NISCH: variants seen among roughly 807,000 people sequenced by gnomAD.
NISCH encodes the protein nischarin, also known as I-1 receptor candidate protein.
Under a neutral mutation model 138.4 loss-of-function variants are expected in NISCH, and 55 were observed. The observed-to-expected ratio is 0.40, with a 90% CI of 0.32 to 0.50. The LOEUF (loss-of-function observed/expected upper bound fraction) is 0.50, where lower values mean the gene tolerates loss of function less well. Among genes scored for constraint, NISCH ranks in the 20% least tolerant of loss-of-function variants. The probability of loss-of-function intolerance (pLI) is 0.71; values close to 1 mark genes in which losing one functional copy is unlikely to be tolerated. For synonymous variants in NISCH, 860 were observed against 861.5 expected, an observed-to-expected ratio of 1.00 and a Z score of 0.03; for missense variants, 1,643 against 2,005.5, an observed-to-expected ratio of 0.82 and a Z score of 3.45.
chr3:52,484,266 C>T, intron 13 of NISCH: 1 of 448,482 alleles, frequency 2.2e-6, no homozygotes, highest in Non-Finnish European at 4.0e-6. Flanking sequence ...CAGTTTTTTT[C>T]CATTGCATTT....
At chr3:52,478,780 G>T (rs1707179224) in intron 11 of NISCH, among the ~76,000 whole-genome samples, 1 of 152,168 alleles carries the variant, frequency 6.6e-6, no homozygotes, top group Non-Finnish European at 1.5e-5. Context: ...CCTACTGTCT[G>T]GGATAACATT....
At position 52,490,718 on chromosome 3, in the gene NISCH, G is replaced by C. The variant is rs777886468; in HGVS notation, c.3627G>C (p.Gln1209His). ...FSEPLQDFWH[Q>H]KNTDYNNSPF... ...TCCATCACACAGATTTCTGGCATCA[G>C]AAAAACACCGACTACAACAACAGCC... The change falls in exon 19 of 21, where the codon CAG becomes CAC. Residue 1209 changes from glutamine (Q) to histidine (H), a missense_variant. By Grantham distance (24) the Gln-to-His change is conservative (BLOSUM62 0). Coordinates refer to ENST00000345716, the MANE Select transcript of NISCH (RefSeq NM_007184.4). The C allele has an allele frequency of 5.0e-6, 8 of 1,614,176 alleles. 1 individual carries two copies. The South Asian group carries it at 8.8e-5, about 18-fold the overall frequency.
In NISCH at chr3:52,487,589, C is replaced by A. The variant is rs761883641; in HGVS notation, c.2097C>A (p.Asp699Glu). 6.2e-7 allele frequency: 1 copy of A among 1,613,766 alleles called. No homozygotes were observed. Among genetic ancestry groups the A allele is most frequent in the Admixed American group, 1.7e-5 (1 of 60,020 alleles). Reference protein sequence around the residue: ...ALEWALGADEDFLLEHIRILK... With the variant: ...ALEWALGADEEFLLEHIRILK... ...AATGGGCCCTGGGCGCGGACGAGGA[C>A]TTCCTGCTGGAGCACATCCGCATCC... Residue 699 changes from aspartate (D) to glutamate (E), a missense_variant, in exon 16 of 21, where the codon GAC (aspartate) becomes GAA (glutamate). Transcript: ENST00000345716. The surrounding 1 kb of genome is among the most constrained non-coding windows in gnomAD (Gnocchi z 9.1).
chr3:52,486,315 C>T (rs1057091395), intron 15 of NISCH, among the ~76,000 whole-genome samples: 4 of 152,216 alleles, frequency 2.6e-5, no homozygotes, highest in African/African-American at 9.7e-5. Context: ...CAGAGATTCA[C>T]CATGTTGCCT....
chr3:52,476,447 G>C lies in NISCH; in HGVS notation c.766G>C (p.Glu256Gln). ...SVRFSATSMKEVLVPEASEFD... is the reference protein window; with the variant it reads ...SVRFSATSMKQVLVPEASEFD... ...GCTCCACACAGATGTTTTTATGCAG[G>C]AAGTCCTTGTTCCTGAAGCCTCAGA... The change falls in exon 8 of 21, where the codon GAA (glutamate) becomes CAA (glutamine). Residue 256 changes from glutamate to glutamine, a missense_variant and splice_region_variant. Glu to Gln is a conservative substitution (Grantham distance 29). Transcript: ENST00000345716. 6.2e-7 allele frequency: 1 copy of C among 1,614,072 alleles called. No individual in the cohort carries two copies. The highest frequency in any genetic ancestry group is 8.5e-7 in the Non-Finnish European group (1 of 1,179,938).
chr3:52,481,806 G>A (rs1257611652), intron 13 of NISCH: 2 of 985,352 alleles, frequency 2.0e-6, no homozygotes, highest in Non-Finnish European at 2.4e-6. Context: ...TTGTGCCCTG[G>A]GGACACTCTG....
chr3:52,472,410 C>T lies in NISCH; in HGVS notation c.669+12C>T, dbSNP rs6784615. 0.95 allele frequency: 1,524,218 copies of T among 1,610,018 alleles called. 721,765 individuals are homozygous for T. The highest frequency in any genetic ancestry group is 0.98 in the East Asian group (44,048 of 44,874). ...TGCATCAGGTGGAGGTAAGGCCCAGCGCTGCACAGCATCCTCTCGCTCCCA... is the reference window on the plus strand; with the variant it reads ...TGCATCAGGTGGAGGTAAGGCCCAGTGCTGCACAGCATCCTCTCGCTCCCA... On this transcript the variant is annotated intron_variant, in intron 6 of 20. Coordinates refer to ENST00000345716, the MANE Select transcript of NISCH (RefSeq NM_007184.4).
chr3:52,463,339 G>T (rs1444924217), intron 3 of NISCH, among the ~76,000 whole-genome samples: 2 of 152,200 alleles, frequency 1.3e-5, no homozygotes, highest in Non-Finnish European at 1.5e-5. Context: ...GCCACATTAT[G>T]TTTATTTATT....
At chr3:52,468,878 GAA>G (rs1409663764) in intron 3 of NISCH, among the ~76,000 whole-genome samples, 1 of 152,058 alleles carries the variant, frequency 6.6e-6, no homozygotes, top group Non-Finnish European at 1.5e-5. Context: ...TGGAGTGAGA[GAA>G]GAGGCCCAAG....
rs372082480 is a variant in NISCH at position 52,476,553 on chromosome 3, C to T, written c.872C>T (p.Thr291Met). 1.2e-5 allele frequency: 20 copies of T among 1,614,050 alleles called. No individual in the cohort carries two copies. Among genetic ancestry groups the T allele is most frequent in the Non-Finnish European group, 1.6e-5 (19 of 1,180,020 alleles). Residue 291 changes from threonine to methionine, a missense_variant, in exon 8 of 21, where the codon ACG (threonine) becomes ATG (methionine). Thr to Met is a moderately conservative substitution (Grantham distance 81). Transcript: ENST00000345716. ...ATCCCCACTTGGCAGGCATTGACCA[C>T]GCTTGACCTGAGCCACAACAGCGTC... ...AVIPTWQALT[T>M]LDLSHNSVSE...
chr3:52,473,632 C>T, intron 6 of NISCH, 102 bp from the exon 7 acceptor site: 1 of 731,318 alleles, frequency 1.4e-6, no homozygotes, highest in South Asian at 2.0e-5. Flanking sequence ...ATTTGGGTTG[C>T]CTGTCATTGT....
rs1010024580 is a variant in NISCH at position 52,457,101 on chromosome 3, C to G, written c.94-742C>G. Among the ~76,000 whole-genome samples the G allele has an allele frequency of 4.6e-5, 7 of 152,186 alleles. No homozygotes were observed. The East Asian group carries it at 7.7e-4, about 17-fold the overall frequency. On this transcript the variant is annotated intron_variant, in intron 1 of 20. Coordinates refer to ENST00000345716, the MANE Select transcript of NISCH (RefSeq NM_007184.4). ...TGTACAAAGCATTTTACATGCATTG[C>G]CTTACTTGGTCCTTGATTCTAAGAT...
chr3:52,467,572 AAAAAC>A (rs1332313450), intron 3 of NISCH, among the ~76,000 whole-genome samples: 3 of 152,238 alleles, frequency 2.0e-5, no homozygotes, highest in Non-Finnish European at 4.4e-5. Flanking sequence ...TCCCAAGGTG[AAAAAC>A]AGCCTGGAAA....
chr3:52,490,040 G>A (rs781195375), intron 17 of NISCH, 35 bp from the exon 18 acceptor site: 1 of 1,612,246 alleles, frequency 6.2e-7, no homozygotes, highest in Admixed American at 1.7e-5. Context: ...AGGTTGCTAG[G>A]GTGGTGGAGC....
At chr3:52,476,854 T>C (rs549151276) in intron 8 of NISCH, among the ~76,000 whole-genome samples, 4 of 152,160 alleles carry the variant, frequency 2.6e-5, no homozygotes, top group African/African-American at 9.6e-5. Flanking sequence ...ACCAATGTGG[T>C]GAAACCCCAT....
At position 52,481,824 on chromosome 3, in the gene NISCH, G is replaced by C. The variant is rs1364726203; in HGVS notation, c.1528+1529G>C. On this transcript the variant is annotated intron_variant, in intron 13 of 20. Coordinates refer to ENST00000345716, the MANE Select transcript of NISCH (RefSeq NM_007184.4). ...TGCCCTGGGGACACTCTGCAGAGGG[G>C]CACTCTGCAGTCTGTCCCCGCCATC... 3.0e-6 allele frequency: 3 copies of C among 985,234 alleles called. No homozygotes were observed. In the Admixed American group the frequency reaches 1.8e-4, roughly 61 times the overall value. The allele number at this position is 985,234 out of a possible 1,614,324, so 61.0% of individuals were successfully genotyped here.
chr3:52,458,406 A>G (rs1440313422), intron 2 of NISCH, among the ~76,000 whole-genome samples: 2 of 152,222 alleles, frequency 1.3e-5, no homozygotes, highest in Non-Finnish European at 2.9e-5. Context: ...TTAGGGGCAA[A>G]AGGTGTTACT....
At chr3:52,480,350 C>A (rs1202231578) in intron 13 of NISCH, 55 bp downstream of exon 13, 17 of 1,604,920 alleles carry the variant, frequency 1.1e-5, no homozygotes, top group East Asian at 2.3e-5. Context: ...GCCTGGGCCC[C>A]CTGGCTGGGC....
chr3:52,482,470 G>A (rs1707302620), intron 13 of NISCH, among the ~76,000 whole-genome samples: 1 of 152,218 alleles, frequency 6.6e-6, no homozygotes. Context: ...AGGAGCCAGG[G>A]CTCGGTCAGC....
Sources: gnomAD v4.1 joint callset for allele counts (sites outside exome capture counted in the v4.1 genomes callset) on GRCh38, gnomAD v4.1.1 for gene constraint, Gnocchi (gnomAD v3.1) non-coding constraint, MANE v1.5 for transcripts, NCBI Gene and HGNC (gene_info 2026-07-23, HGNC 2026-07-21) for gene names.